Variants in CMTM8 observed in about 807,000 individuals in gnomAD.
The protein encoded by CMTM8 is CKLF-like MARVEL transmembrane domain-containing protein 8.
In CMTM8, 12 loss-of-function variants were observed where a neutral mutation model predicts 18.6. That is an observed-to-expected ratio of 0.65 (90% CI 0.41 to 1.05). The LOEUF is 1.05. Ranked by LOEUF, CMTM8 falls within the 50% of genes least tolerant of loss-of-function variation. The pLI, the probability that CMTM8 is intolerant of heterozygous loss-of-function variation, is 0.00. For missense variants in CMTM8, 217 were observed against 227.2 expected (o/e 0.95, Z 0.29); for synonymous variants, 87 against 90.6 (o/e 0.96, Z 0.23).
chr3:32,316,460 T>C (rs1462083227), intron 1 of CMTM8, among the ~76,000 whole-genome samples: 1 of 152,220 alleles, frequency 6.6e-6, no homozygotes, highest in Non-Finnish European at 1.5e-5. Flanking sequence ...TTACACATTG[T>C]GTCCTGAGCC....
intron 1 of CMTM8, among the ~76,000 whole-genome samples, chr3:32,297,277 C>G (rs182569072): frequency 6.6e-6 from 1 of 152,144 alleles, no homozygotes; most frequent in Admixed American, 6.5e-5. Flanking sequence ...CTCCTGGGTT[C>G]AAGTGATTCT....
At chr3:32,268,636 G>C (rs909629544) in intron 1 of CMTM8, among the ~76,000 whole-genome samples, 1 of 151,676 alleles carries the variant, frequency 6.6e-6, no homozygotes, top group Non-Finnish European at 1.5e-5. Context: ...CTTTGAACAT[G>C]ACGAGTTCAT....
In CMTM8 at chr3:32,259,436, A is replaced by G. The variant is rs1685636825; in HGVS notation, c.147+20317A>G. 1.8e-5 allele frequency: 15 copies of G among 815,752 alleles called. No homozygotes were observed. In the South Asian group the frequency reaches 2.0e-4, roughly 11 times the overall value. The allele number at this position is 815,752 out of a possible 1,614,324, so 50.5% of individuals were successfully genotyped here. On this transcript the variant is annotated intron_variant, in intron 1 of 3. Coordinates refer to ENST00000307526, the MANE Select transcript of CMTM8 (RefSeq NM_178868.5). Reference sequence around the variant, plus strand: ...TCTTGCTGCTGATGACTTTAGAGTCAAGTATGAGACAGAACTGGCCATGTG... The same window carrying G: ...TCTTGCTGCTGATGACTTTAGAGTCGAGTATGAGACAGAACTGGCCATGTG...
intron 1 of CMTM8, among the ~76,000 whole-genome samples, chr3:32,348,505 T>TTTC (rs144860836): frequency 0.13 from 18,611 of 146,272 alleles, 1,320 homozygotes; most frequent in Middle Eastern, 0.19. Flanking sequence ...TTCCCTCCAT[T>TTTC]TTCTTCACTC....
At chr3:32,333,685 A>G (rs1240813678) in intron 1 of CMTM8, among the ~76,000 whole-genome samples, 1 of 151,662 alleles carries the variant, frequency 6.6e-6, no homozygotes, top group Non-Finnish European at 1.5e-5. Flanking sequence ...TGGAAAGATT[A>G]CTGGTTGCCA....
intron 1 of CMTM8, among the ~76,000 whole-genome samples, chr3:32,335,609 G>C (rs1382613029): frequency 4.6e-5 from 7 of 152,166 alleles, no homozygotes; most frequent in African/African-American, 1.7e-4. Context: ...GGTGCAGCTT[G>C]CAGCTGTGGG....
rs142598472 is a variant in CMTM8, at chr3:32,281,595, T to G, written c.147+42476T>G. Reference sequence around the variant, plus strand: ...TCATTCTTCAACAGTTGTCACCTTTTTTCTCTGCTCCACCTTGCAGCAAAA... The same window carrying G: ...TCATTCTTCAACAGTTGTCACCTTTGTTCTCTGCTCCACCTTGCAGCAAAA... On this transcript the variant is annotated intron_variant, in intron 1 of 3. Coordinates refer to ENST00000307526, the MANE Select transcript of CMTM8 (RefSeq NM_178868.5). Among the ~76,000 whole-genome samples, 432 of 152,294 alleles carry G rather than the reference T, an allele frequency of 2.8e-3. 1 individual carries two copies. Among genetic ancestry groups the G allele is most frequent in the African/African-American group, 9.4e-3 (392 of 41,554 alleles).
chr3:32,276,099 G>A (rs559488531), intron 1 of CMTM8, among the ~76,000 whole-genome samples: 8 of 152,242 alleles, frequency 5.3e-5, no homozygotes, highest in South Asian at 4.2e-4. Context: ...GACCAATGAC[G>A]GGTACAGAGG....
intron 1 of CMTM8, among the ~76,000 whole-genome samples, chr3:32,305,277 C>G (rs1210457085): frequency 8.4e-5 from 12 of 143,482 alleles, no homozygotes; most frequent in Non-Finnish European, 1.6e-4. Context: ...GTCACCCAGG[C>G]TGGAGTGCAG....
At position 32,298,512 on chromosome 3, in the gene CMTM8, C is replaced by G. The variant is rs563257212; in HGVS notation, c.148-58861C>G. Among the ~76,000 whole-genome samples the G allele has an allele frequency of 5.5e-5, 8 of 144,374 alleles. No individual in the cohort carries two copies. The South Asian group carries it at 1.8e-3, about 33-fold the overall frequency. The allele number at this position is 144,374 out of a possible 152,430, so 94.7% of individuals were successfully genotyped here. On this transcript the variant is annotated intron_variant, in intron 1 of 3. Transcript: ENST00000307526. The stretch of plus-strand genomic sequence containing the variant: ...AAATTTCAGAATGAGCACTCTTGGT[C>G]TCTTTCCAGGGCGATCCTTGCTAGA...
At chr3:32,248,753 A>G (rs1702076068) in intron 1 of CMTM8, among the ~76,000 whole-genome samples, 1 of 151,476 alleles carries the variant, frequency 6.6e-6, no homozygotes, top group Non-Finnish European at 1.5e-5. Context: ...CATCATCATA[A>G]CTCATTGTAA....
At chr3:32,298,959 T>A (rs375381231) in intron 1 of CMTM8, among the ~76,000 whole-genome samples, 1,071 of 99,002 alleles carry the variant, frequency 0.011, 9 homozygotes, top group African/African-American at 0.021. Context: ...ATATATATTT[T>A]TTTTTTTTTA....
chr3:32,259,489 G>C, intron 1 of CMTM8: 1 of 778,588 alleles, frequency 1.3e-6, no homozygotes, highest in Non-Finnish European at 2.3e-6. Context: ...ACATTCATGG[G>C]CTCTTCAAGG....
chr3:32,367,196 A>C (rs922652217), intron 2 of CMTM8, among the ~76,000 whole-genome samples: 3 of 152,302 alleles, frequency 2.0e-5, no homozygotes, highest in Non-Finnish European at 2.9e-5. Context: ...CCAGCTTTGC[A>C]TGGTTTCCTA....
At chr3:32,270,782 A>G (rs1702428078) in intron 1 of CMTM8, among the ~76,000 whole-genome samples, 1 of 152,126 alleles carries the variant, frequency 6.6e-6, no homozygotes, top group Non-Finnish European at 1.5e-5. Flanking sequence ...TGACGAGTTA[A>G]TGGGTGCAGC....
chr3:32,327,791 C>T (rs1405530304), intron 1 of CMTM8, among the ~76,000 whole-genome samples: 1 of 152,198 alleles, frequency 6.6e-6, no homozygotes, highest in Non-Finnish European at 1.5e-5. Flanking sequence ...GGCAGATTGG[C>T]CACCTTCTCC....
chr3:32,263,101 GT>G (rs1343297555), intron 1 of CMTM8, among the ~76,000 whole-genome samples: 2 of 151,726 alleles, frequency 1.3e-5, no homozygotes, highest in African/African-American at 4.9e-5. Context: ...TTGGAAGACA[GT>G]AGCGGTTCTC....
intron 1 of CMTM8, among the ~76,000 whole-genome samples, chr3:32,266,222 C>T (rs1336416450): frequency 6.6e-6 from 1 of 152,036 alleles, no homozygotes; most frequent in Non-Finnish European, 1.5e-5. Context: ...ACTGGCAAAC[C>T]GAATCCAGCA....
At position 32,270,214 on chromosome 3, in the gene CMTM8, G is replaced by A. The variant is rs372287847; in HGVS notation, c.147+31095G>A. Among the ~76,000 whole-genome samples the A allele has an allele frequency of 1.5e-4, 23 of 152,272 alleles. No homozygotes were observed. The South Asian group carries it at 4.4e-3, about 29-fold the overall frequency. ...TGATATTATAGATGTAAGCCACTGT[G>A]CCTGGCCTAGAATTTAAATCATGTT... On this transcript the variant is annotated intron_variant, in intron 1 of 3. Coordinates refer to ENST00000307526, the MANE Select transcript of CMTM8 (RefSeq NM_178868.5).
Sources: allele counts gnomAD v4.1 joint callset (sites outside exome capture counted in the v4.1 genomes callset), GRCh38; gene constraint gnomAD v4.1.1; transcripts MANE v1.5; gene names NCBI Gene and HGNC (gene_info 2026-07-23, HGNC 2026-07-21).